TNC: variants seen among roughly 807,000 people sequenced by gnomAD.
TNC encodes the protein tenascin C, also known as tenascin.
TNC carries 109 observed loss-of-function variants against 202.4 expected under a neutral mutation model. The observed-to-expected ratio is 0.54, with a 90% confidence interval of 0.46 to 0.63. TNC has a LOEUF of 0.63. Ranked by LOEUF, TNC falls within the 30% of genes least tolerant of loss-of-function variation. TNC has a pLI of 0.00. For synonymous variants in TNC, 1,007 were observed against 1,089.7 expected, an observed-to-expected ratio of 0.92 and a Z score of 1.50; for missense variants, 2,756 against 2,833.3, an observed-to-expected ratio of 0.97 and a Z score of 0.62.
chr9:115,084,065 G>T, intron 4 of TNC, 144 bp downstream of exon 4: 2 of 869,692 alleles, frequency 2.3e-6, no homozygotes, highest in Admixed American at 2.5e-5. Context: ...TTTAATAAGT[G>T]ATTCTATGGA....
chr9:115,092,356 A>G lies in TNC; in HGVS notation c.-136-1202T>C, dbSNP rs559660443. The stretch of plus-strand genomic sequence containing the variant: ...TTATTCATCTCTCTTAGAGCTATTC[A>G]CCTGTATGAGCAATCAGGTAGCAGA... On this transcript the variant is annotated intron_variant, in intron 1 of 27. Transcript: ENST00000350763. 9.8e-5 allele frequency among the ~76,000 whole-genome samples: 15 copies of G among 152,308 alleles called. No individual in the cohort carries two copies. The East Asian group carries it at 2.5e-3, about 25-fold the overall frequency.
intron 3 of TNC, 26 bp from the exon 4 acceptor site, chr9:115,084,498 G>T (rs1456636184): frequency 3.1e-6 from 5 of 1,608,618 alleles, no homozygotes; most frequent in Non-Finnish European, 4.2e-6. Context: ...AAGGACATCT[G>T]GTGTCAACAG....
chr9:115,048,810 T>C (rs1396688992), intron 15 of TNC, among the ~76,000 whole-genome samples: 3 of 152,180 alleles, frequency 2.0e-5, no homozygotes. Flanking sequence ...TACAAGCTTG[T>C]AAGAAGAGAT....
intron 25 of TNC, among the ~76,000 whole-genome samples, chr9:115,028,364 G>A (rs1024773287): frequency 6.6e-6 from 1 of 152,022 alleles, no homozygotes; most frequent in Non-Finnish European, 1.5e-5. Context: ...TTGCCCACCC[G>A]GTGGCAATTG....
intron 18 of TNC, 152 bp from the exon 19 acceptor site, chr9:115,041,236 C>A: frequency 1.1e-6 from 1 of 879,380 alleles, no homozygotes; most frequent in African/African-American, 1.8e-5. Context: ...TACCCTCTGG[C>A]ATAAGGGAAG....
At chr9:115,034,505 G>C (rs1458238903) in intron 22 of TNC, among the ~76,000 whole-genome samples, 2 of 152,200 alleles carry the variant, frequency 1.3e-5, no homozygotes, top group African/African-American at 4.8e-5. Flanking sequence ...AACAAACACT[G>C]TGCAGGATAT....
intron 19 of TNC, among the ~76,000 whole-genome samples, chr9:115,040,161 G>A (rs1564423340): frequency 6.6e-6 from 1 of 152,172 alleles, no homozygotes; most frequent in East Asian, 1.9e-4. Context: ...ACTAGGAAAG[G>A]AACTCTTTAT....
At chr9:115,089,878 G>A (rs1441184356) in intron 2 of TNC, among the ~76,000 whole-genome samples, 1 of 152,196 alleles carries the variant, frequency 6.6e-6, no homozygotes, top group Non-Finnish European at 1.5e-5. Context: ...TCTTTGATCT[G>A]TAGAAGAGGA....
At position 115,035,862 on chromosome 9, in the gene TNC, C is replaced by T. The variant is rs1830282463; in HGVS notation, c.5656+236G>A. On this transcript the variant is annotated intron_variant, in intron 21 of 27. Transcript: ENST00000350763. The stretch of plus-strand genomic sequence containing the variant: ...GTTTTTCCACTTACAAAGCCCTCCT[C>T]TTAAAATCTTTTCCTTCCCCGTGGG... The T allele has an allele frequency of 4.6e-5, 22 of 479,008 alleles. No homozygotes were observed. In the South Asian group the frequency reaches 9.6e-4, roughly 21 times the overall value. 29.7% of individuals were successfully genotyped at this position (479,008 alleles called of 1,614,324 possible).
At chr9:115,057,023 C>A (rs937913920) in intron 15 of TNC, 130 bp downstream of exon 15, 32 of 1,133,482 alleles carry the variant, frequency 2.8e-5, no homozygotes, top group African/African-American at 6.2e-5. Context: ...TAAACAGCAC[C>A]CCAGCCTAGC....
In TNC at chr9:115,041,313, G is replaced by C. The variant is rs1216339897; in HGVS notation, c.5249-229C>G. On this transcript the variant is annotated intron_variant, in intron 18 of 27. Transcript: ENST00000350763. ...CAAAAACAAAGCCAGGAGGGGCGGGGGAAAACATGAAGTCACAACGTACTA... is the reference window on the plus strand; with the variant it reads ...CAAAAACAAAGCCAGGAGGGGCGGGCGAAAACATGAAGTCACAACGTACTA... Among the ~76,000 whole-genome samples the C allele has an allele frequency of 5.9e-5, 8 of 134,664 alleles. 1 individual carries two copies. The highest frequency in any genetic ancestry group is 2.7e-4 in the African/African-American group (8 of 29,964). The allele number at this position is 134,664 out of a possible 152,430, so 88.3% of individuals were successfully genotyped here.
chr9:115,076,106 G>A lies in TNC; in HGVS notation c.2876C>T (p.Thr959Ile), dbSNP rs1195267059. ...AGCAGAAACTCCAATCCCATATTCA[G>A]TTCCCGGCCTCAGACCTAAGGAGAG... ...KTTLTGLRPG[T>I]EYGIGVSAVK... The change falls in exon 9 of 28, where the codon ACT becomes ATT. Residue 959 changes from threonine (T) to isoleucine (I), a missense_variant. This residue lies in a region of TNC where 2,559 missense variants were observed against 2,546.0 expected (regional missense o/e 1.01). Transcript: ENST00000350763. 1 of 1,614,092 alleles carries A rather than the reference G, an allele frequency of 6.2e-7. No individual in the cohort carries two copies. Among genetic ancestry groups the A allele is most frequent in the South Asian group, 1.1e-5 (1 of 91,078 alleles).
At chr9:115,099,806 T>G (rs1437054708) in intron 1 of TNC, among the ~76,000 whole-genome samples, 1 of 152,192 alleles carries the variant, frequency 6.6e-6, no homozygotes, top group Non-Finnish European at 1.5e-5. Flanking sequence ...CTCTGAAGGA[T>G]GAGATCTATA....
intron 10 of TNC, among the ~76,000 whole-genome samples, chr9:115,065,168 G>A (rs763563167): frequency 6.6e-6 from 1 of 152,164 alleles, no homozygotes; most frequent in Non-Finnish European, 1.5e-5. Context: ...GGCCAAGGTG[G>A]GTGGATCATT....
At chr9:115,031,747 G>A (rs1042764607) in intron 22 of TNC, 62 bp from the exon 23 acceptor site, 1 of 1,568,830 alleles carries the variant, frequency 6.4e-7, no homozygotes, top group African/African-American at 1.4e-5. Flanking sequence ...GTATAGATAA[G>A]AAGTCATTCT....
Position 115,084,210 on chromosome 9 carries a change from C to G in TNC, c.2130G>C (p.Thr710=). The G allele has an allele frequency of 6.2e-7, 1 of 1,613,386 alleles. No individual in the cohort carries two copies. Among genetic ancestry groups the G allele is most frequent in the Non-Finnish European group, 8.5e-7 (1 of 1,179,558 alleles). Residue 710 remains threonine (T), a splice_region_variant and synonymous_variant, in exon 4 of 28, where the codon ACG becomes ACC. Transcript: ENST00000350763. ...CCCAAAAGAGTTCTGCTCACTCACACGTGGCCACCCTGGCGCTGACAGGAA... is the reference window on the plus strand; with the variant it reads ...CCCAAAAGAGTTCTGCTCACTCACAGGTGGCCACCCTGGCGCTGACAGGAA... ...KSIPVSARVA[T]YLPAPEGLKF...
At position 115,035,233 on chromosome 9, in the gene TNC, C is replaced by A. The variant is rs747230674; in HGVS notation, c.5758G>T (p.Val1920Phe). 62 of 1,612,922 alleles carry A rather than the reference C, an allele frequency of 3.8e-5. No homozygotes were observed. The highest frequency in any genetic ancestry group is 5.0e-5 in the Non-Finnish European group (59 of 1,179,550). ...ACTGTGCCATCCACTGATTCATAGA[C>A]CAGCAGGTAACCGGTGACTGATGCC... ...PRASVTGYLL[V>F]YESVDGTVKE... Residue 1920 changes from valine to phenylalanine, a missense_variant, in exon 22 of 28, where the codon GTC becomes TTC. Val to Phe is a conservative substitution (Grantham distance 50). This residue lies in a region of TNC where 2,559 missense variants were observed against 2,546.0 expected (regional missense o/e 1.01). Coordinates refer to ENST00000350763, the MANE Select transcript of TNC (RefSeq NM_002160.4).
At chr9:115,095,602 A>G (rs1233369086) in intron 1 of TNC, among the ~76,000 whole-genome samples, 2 of 2,004 alleles carry the variant, frequency 1.0e-3, no homozygotes, top group African/African-American at 2.2e-3. Context: ...ATATGTATAT[A>G]TATATGTATA....
At chr9:115,060,086 G>C (rs971608420) in intron 13 of TNC, 84 bp from the exon 14 acceptor site, 23 of 1,363,232 alleles carry the variant, frequency 1.7e-5, no homozygotes, top group Non-Finnish European at 2.3e-5. Context: ...CTCTAGGAAA[G>C]AGAGAAAGGG....
Sources: allele counts gnomAD v4.1 joint callset (sites outside exome capture counted in the v4.1 genomes callset), GRCh38; gene constraint gnomAD v4.1.1; regional missense constraint gnomAD v4.1.1; transcripts MANE v1.5; gene names NCBI Gene and HGNC (gene_info 2026-07-23, HGNC 2026-07-21).